Variants in IMPA2 observed in about 807,000 individuals in gnomAD.
IMPA2 encodes the protein IMP 2.
IMPA2 carries 32 observed loss-of-function variants against 35.1 expected under a neutral mutation model. That is an observed-to-expected ratio of 0.91 (90% confidence interval 0.69 to 1.23). IMPA2 has a LOEUF of 1.23. Ranked by LOEUF, IMPA2 falls within the 50% of genes most tolerant of loss-of-function variation. The probability of loss-of-function intolerance (pLI) is 0.00; values close to 1 mark genes in which losing one functional copy is unlikely to be tolerated. For synonymous variants in IMPA2, 135 were observed against 160.6 expected (o/e 0.84, Z 1.20); for missense variants, 334 against 387.6 (o/e 0.86, Z 1.16).
At chr18:11,983,156 A>G (rs1313911898) in intron 1 of IMPA2, among the ~76,000 whole-genome samples, 3 of 152,068 alleles carry the variant, frequency 2.0e-5, no homozygotes, top group Non-Finnish European at 4.4e-5. Context: ...GCGAAACTCC[A>G]CCCTTTGACC....
intron 5 of IMPA2, among the ~76,000 whole-genome samples, chr18:12,024,937 T>C (rs575312415): frequency 6.6e-6 from 1 of 152,192 alleles, no homozygotes; most frequent in South Asian, 2.1e-4. Context: ...CCAAGGTTCA[T>C]AGTTTTCATT....
intron 2 of IMPA2, among the ~76,000 whole-genome samples, chr18:12,003,929 G>T (rs1231648422): frequency 6.6e-6 from 1 of 152,238 alleles, no homozygotes; most frequent in Non-Finnish European, 1.5e-5. Context: ...AGCTTCTCTG[G>T]GTTGGCCTAG....
intron 1 of IMPA2, among the ~76,000 whole-genome samples, chr18:11,993,520 C>G (rs577064202): frequency 4.6e-5 from 7 of 152,310 alleles, no homozygotes; most frequent in African/African-American, 1.7e-4. Context: ...CAGCACCCTG[C>G]CGGGGTGAGG....
intron 1 of IMPA2, among the ~76,000 whole-genome samples, chr18:11,984,795 G>T (rs1046476986): frequency 1.3e-5 from 2 of 150,062 alleles, no homozygotes; most frequent in African/African-American, 2.4e-5. Flanking sequence ...GTGAAACCTC[G>T]TCTCTACTAA....
At position 12,014,362 on chromosome 18, in the gene IMPA2, C is replaced by A; in HGVS notation, c.479C>A (p.Ser160Tyr). Residue 160 changes from serine (S) to tyrosine (Y), a missense_variant, in exon 5 of 8, where the codon TCC (serine) becomes TAC (tyrosine). Coordinates refer to ENST00000269159, the MANE Select transcript of IMPA2 (RefSeq NM_014214.3). ...AFCNGQRLRV[S>Y]GETDLSKALV... ...TGCAATGGCCAGCGGCTCCGGGTCT[C>A]CGGGGAGACAGGTGGGCTTCACAAC... is the stretch of plus-strand genomic sequence containing the variant. 6.3e-7 allele frequency: 1 copy of A among 1,587,218 alleles called. No homozygotes were observed.
chr18:12,026,631 C>G (rs1176011575), intron 5 of IMPA2, among the ~76,000 whole-genome samples: 4 of 152,158 alleles, frequency 2.6e-5, no homozygotes, highest in Admixed American at 6.5e-5. Context: ...TCCCCACCCC[C>G]ACCCCGGAAA....
intron 1 of IMPA2, among the ~76,000 whole-genome samples, chr18:11,985,296 A>G (rs574881957): frequency 3.9e-5 from 6 of 152,338 alleles, no homozygotes; most frequent in East Asian, 1.9e-4. Flanking sequence ...AAAAATAACA[A>G]TTCTTTCACT....
At chr18:12,005,036 A>T (rs1411950690) in intron 2 of IMPA2, among the ~76,000 whole-genome samples, 1 of 152,204 alleles carries the variant, frequency 6.6e-6, no homozygotes, top group Non-Finnish European at 1.5e-5. Flanking sequence ...CTTCCCATGT[A>T]CCAGGGAAGT....
chr18:11,992,858 G>T (rs1906855864), intron 1 of IMPA2, among the ~76,000 whole-genome samples: 1 of 152,314 alleles, frequency 6.6e-6, no homozygotes, highest in Middle Eastern at 3.4e-3. Flanking sequence ...AAAGGGCAGG[G>T]CTGTTTGAGT....
intron 1 of IMPA2, among the ~76,000 whole-genome samples, chr18:11,989,800 C>G (rs1485237394): frequency 6.6e-6 from 1 of 152,100 alleles, no homozygotes; most frequent in African/African-American, 2.4e-5. Context: ...GAGCTTGTCA[C>G]TTGCTCACCC....
At chr18:12,027,362 G>A (rs188935809) in intron 5 of IMPA2, among the ~76,000 whole-genome samples, 6 of 152,262 alleles carry the variant, frequency 3.9e-5, no homozygotes, top group East Asian at 1.9e-4. Flanking sequence ...TCCAGGTGTC[G>A]GCACCCCCCT....
intron 1 of IMPA2, among the ~76,000 whole-genome samples, chr18:11,992,208 C>G (rs1906835198): frequency 6.6e-6 from 1 of 152,236 alleles, no homozygotes; most frequent in Non-Finnish European, 1.5e-5. Flanking sequence ...TAAAATTAAC[C>G]ATCACAACAC....
At chr18:12,030,268 G>T in intron 7 of IMPA2, 75 bp from the exon 8 acceptor site, 1 of 1,076,324 alleles carries the variant, frequency 9.3e-7, no homozygotes, top group East Asian at 2.4e-5. Context: ...GTGTGCATGT[G>T]GGATAAGTTG....
At chr18:12,029,553 C>G (rs890392168) in intron 7 of IMPA2, among the ~76,000 whole-genome samples, 1 of 152,100 alleles carries the variant, frequency 6.6e-6, no homozygotes, top group African/African-American at 2.4e-5. Context: ...TCCCGAATAG[C>G]TGGGACTAAA....
At chr18:12,028,331 G>A (rs1568040053) in intron 6 of IMPA2, 180 bp downstream of exon 6, 4 of 585,816 alleles carry the variant, frequency 6.8e-6, no homozygotes, top group Non-Finnish European at 9.1e-6. Context: ...TACTCCTATA[G>A]CCAGGCCTCT....
rs754917132 is a variant in IMPA2 at position 12,030,428 on chromosome 18, G to A, written c.837G>A (p.Thr279=). Residue 279 remains threonine (T), a synonymous_variant, in exon 8 of 8, where the codon ACG becomes ACA. Coordinates refer to ENST00000269159, the MANE Select transcript of IMPA2 (RefSeq NM_014214.3). The part of the protein sequence containing the change: ...MAMLIAQALQ[T]INYGRDDEK ...TGCTCATAGCTCAGGCCTTACAGAC[G>A]ATTAACTATGGGCGGGATGATGAGA... 7.6e-5 allele frequency: 123 copies of A among 1,614,060 alleles called. No individual in the cohort carries two copies. Among genetic ancestry groups the A allele is most frequent in the Non-Finnish European group, 1.0e-4 (118 of 1,180,014 alleles).
At chr18:12,028,340 C>G in intron 6 of IMPA2, 189 bp downstream of exon 6, 1 of 573,800 alleles carries the variant, frequency 1.7e-6, no homozygotes. Context: ...AGCCAGGCCT[C>G]TGGAGATGCG....
intron 4 of IMPA2, 76 bp from the exon 5 acceptor site, chr18:12,014,186 ATCT>A: frequency 1.0e-6 from 1 of 994,226 alleles, no homozygotes; most frequent in South Asian, 1.3e-5. Flanking sequence ...CGCAGCCTTC[ATCT>A]TTGAATAACA....
chr18:12,028,027 A>G lies in IMPA2; in HGVS notation c.491-16A>G. 6.3e-7 allele frequency: 1 copy of G among 1,576,242 alleles called. No homozygotes were observed. Among genetic ancestry groups the G allele is most frequent in the Non-Finnish European group, 8.7e-7 (1 of 1,146,088 alleles). ...GACTTGATTTTTCTGGTGACAGGAA[A>G]TTCTTTTTATTGCAGATCTCTCAAA... On this transcript the variant is annotated splice_polypyrimidine_tract_variant and intron_variant, in intron 5 of 7. Transcript: ENST00000269159.
Sources: allele counts gnomAD v4.1 joint callset (sites outside exome capture counted in the v4.1 genomes callset), GRCh38; gene constraint gnomAD v4.1.1; transcripts MANE v1.5; gene names NCBI Gene and HGNC (gene_info 2026-07-23, HGNC 2026-07-21).